Variants in CNBD1 observed in about 807,000 individuals in gnomAD.
CNBD1 encodes cyclic nucleotide binding domain containing 1, also known as cyclic nucleotide-binding domain-containing protein 1.
Under a neutral mutation model 54.4 loss-of-function variants are expected in CNBD1, and 71 were observed. The observed-to-expected ratio is 1.30, with a 90% CI of 1.08 to 1.59. CNBD1 has a LOEUF of 1.59. Among genes scored for constraint, CNBD1 ranks in the 40% most tolerant of loss-of-function variants. The probability of loss-of-function intolerance (pLI) is 0.00; values close to 1 mark genes in which losing one functional copy is unlikely to be tolerated. For synonymous variants in CNBD1, 182 were observed against 170.7 expected (o/e 1.07, Z -0.51); for missense variants, 659 against 518.0 (o/e 1.27, Z -2.64).
chr8:87,380,324 T>C (rs908829714), intron 10 of CNBD1, among the ~76,000 whole-genome samples: 8 of 151,908 alleles, frequency 5.3e-5, no homozygotes, highest in Non-Finnish European at 1.0e-4. Flanking sequence ...TATCAGTTGA[T>C]CATATATACA....
chr8:86,975,597 T>C (rs139499670), intron 4 of CNBD1, among the ~76,000 whole-genome samples: 53 of 152,152 alleles, frequency 3.5e-4, no homozygotes, highest in Non-Finnish European at 6.8e-4. Context: ...TTCCATTTCG[T>C]GTATATACCA....
intron 3 of CNBD1, among the ~76,000 whole-genome samples, chr8:86,923,834 G>A (rs777344136): frequency 6.6e-6 from 1 of 152,164 alleles, no homozygotes; most frequent in African/African-American, 2.4e-5. Context: ...ATCATAGAAG[G>A]ACAGGTGACA....
intron 10 of CNBD1, among the ~76,000 whole-genome samples, chr8:87,371,581 A>G (rs1810798213): frequency 6.6e-6 from 1 of 152,010 alleles, no homozygotes; most frequent in Non-Finnish European, 1.5e-5. Context: ...TGATGCAGAA[A>G]TCCTCAATAA....
rs1002757054 is a variant in CNBD1 at position 87,323,113 on chromosome 8, G to C, written c.1043-28572G>C. Among the ~76,000 whole-genome samples the C allele has an allele frequency of 4.3e-5, 5 of 117,522 alleles. 1 individual carries two copies. Among genetic ancestry groups the C allele is most frequent in the Non-Finnish European group, 3.7e-5 (2 of 53,432 alleles). 77.1% of individuals were successfully genotyped at this position (117,522 alleles called of 152,430 possible). On this transcript the variant is annotated intron_variant, in intron 8 of 10. Transcript: ENST00000518476. ...CAGGTTTGTCAAAGATCAGATAGTT[G>C]TAGGTATGCAGCATTATTTCTGAGG...
chr8:87,289,074 G>T (rs997678368), intron 8 of CNBD1, among the ~76,000 whole-genome samples: 1 of 152,078 alleles, frequency 6.6e-6, no homozygotes, highest in Admixed American at 6.6e-5. Context: ...TGTAGAGAAT[G>T]TAGCTCAAAT....
At chr8:86,939,356 A>T (rs1809609044) in intron 3 of CNBD1, among the ~76,000 whole-genome samples, 1 of 152,178 alleles carries the variant, frequency 6.6e-6, no homozygotes. Flanking sequence ...TATAATACAT[A>T]TAATCAAATT....
At chr8:86,919,119 C>A (rs1809233442) in intron 3 of CNBD1, among the ~76,000 whole-genome samples, 1 of 151,858 alleles carries the variant, frequency 6.6e-6, no homozygotes. Context: ...AATAAACAAT[C>A]CTCTCATGCC....
chr8:86,971,347 G>A (rs976497956), intron 4 of CNBD1, among the ~76,000 whole-genome samples: 1 of 152,158 alleles, frequency 6.6e-6, no homozygotes, highest in Non-Finnish European at 1.5e-5. Flanking sequence ...GGGAAACCAT[G>A]CTCATGATTC....
intron 6 of CNBD1, among the ~76,000 whole-genome samples, chr8:87,275,230 T>C (rs949447916): frequency 2.8e-5 from 4 of 141,710 alleles, no homozygotes; most frequent in Non-Finnish European, 6.2e-5. Context: ...TTTGTTCTTT[T>C]GGCTTAGGAT....
At chr8:87,346,850 G>C (rs934143364) in intron 8 of CNBD1, among the ~76,000 whole-genome samples, 26 of 152,302 alleles carry the variant, frequency 1.7e-4, no homozygotes, top group African/African-American at 6.3e-4. Context: ...GTTTGAAAAT[G>C]AATGTTTAGT....
chr8:87,096,330 A>C lies in CNBD1; in HGVS notation c.432-109663A>C, dbSNP rs577239772. On this transcript the variant is annotated intron_variant, in intron 4 of 10. Coordinates refer to ENST00000518476, the MANE Select transcript of CNBD1 (RefSeq NM_173538.3). The stretch of plus-strand genomic sequence containing the variant: ...ACATAGTGGAGACAGAAAGAAGAAT[A>C]GCTCTCTGGTGTCTTTTTTTTTTTT... Among the ~76,000 whole-genome samples, 465 of 145,672 alleles carry C rather than the reference A, an allele frequency of 3.2e-3. 2 individuals carry two copies. The highest frequency in any genetic ancestry group is 5.2e-3 in the Non-Finnish European group (348 of 67,018).
chr8:87,304,380 A>G (rs972533501), intron 8 of CNBD1, among the ~76,000 whole-genome samples: 1 of 151,976 alleles, frequency 6.6e-6, no homozygotes, highest in East Asian at 1.9e-4. Flanking sequence ...GCAAACTATC[A>G]CAAGGACAAA....
chr8:87,137,730 ATTATAGTGAAT>A (rs2130734992), intron 4 of CNBD1, among the ~76,000 whole-genome samples: 1 of 152,244 alleles, frequency 6.6e-6, no homozygotes, highest in South Asian at 2.1e-4. Flanking sequence ...AAATTAAAGC[ATTATAGTGAAT>A]TGGAATGGGA....
chr8:87,028,681 A>G (rs1748836199), intron 4 of CNBD1, among the ~76,000 whole-genome samples: 1 of 152,202 alleles, frequency 6.6e-6, no homozygotes, highest in Non-Finnish European at 1.5e-5. Flanking sequence ...TGATAAATGC[A>G]GGGGGCCTGA....
chr8:87,415,904 A>T (rs1038964225), intron 2 of CNBD1, among the ~76,000 whole-genome samples: 3 of 152,034 alleles, frequency 2.0e-5, no homozygotes, highest in Admixed American at 6.6e-5. Context: ...ACAAATTTCA[A>T]CTATATACTG....
At chr8:87,243,369 G>A (rs1807742322) in intron 6 of CNBD1, among the ~76,000 whole-genome samples, 2 of 152,132 alleles carry the variant, frequency 1.3e-5, no homozygotes, top group Non-Finnish European at 1.5e-5. Context: ...GTGACTATTG[G>A]GATATCTTGG....
intron 4 of CNBD1, among the ~76,000 whole-genome samples, chr8:87,089,062 G>C (rs1455185011): frequency 6.6e-6 from 1 of 152,046 alleles, no homozygotes; most frequent in African/African-American, 2.4e-5. Context: ...CTTTACAAAT[G>C]CTTAGTTGAT....
intron 2 of CNBD1, among the ~76,000 whole-genome samples, chr8:87,392,249 T>C (rs1811323708): frequency 6.6e-6 from 1 of 152,048 alleles, no homozygotes; most frequent in Non-Finnish European, 1.5e-5. Context: ...CATGGCAGTT[T>C]CTCCACAAGT....
intron 1 of CNBD1, among the ~76,000 whole-genome samples, chr8:86,871,094 T>A (rs1194308478): frequency 2.6e-5 from 4 of 152,240 alleles, no homozygotes; most frequent in Admixed American, 6.5e-5. Flanking sequence ...TTTGATGTAC[T>A]TTTTGTCAAA....
Sources: allele counts gnomAD v4.1 joint callset (sites outside exome capture counted in the v4.1 genomes callset), GRCh38; gene constraint gnomAD v4.1.1; transcripts MANE v1.5; gene names NCBI Gene and HGNC (gene_info 2026-07-23, HGNC 2026-07-21).